The following WDPCP variants were observed in gnomAD, a reference collection of about 807,000 sequenced individuals.
The protein encoded by WDPCP is WD repeat-containing and planar cell polarity effector protein fritz homolog.
A neutral mutation model predicts 93.1 loss-of-function variants in WDPCP; 71 were observed. The ratio of observed to expected loss-of-function variants is 0.76; its 90% CI spans 0.63 to 0.93. WDPCP has a LOEUF of 0.93. Among genes scored for constraint, WDPCP ranks in the 40% least tolerant of loss-of-function variants. WDPCP has a pLI of 0.00. For missense variants in WDPCP, 844 were observed against 887.4 expected, an observed-to-expected ratio of 0.95 and a Z score of 0.62; for synonymous variants, 315 against 315.0, an observed-to-expected ratio of 1.00 and a Z score of 0.00.
intron 2 of WDPCP, among the ~76,000 whole-genome samples, chr2:63,734,030 T>C (rs1055606038): frequency 2.0e-5 from 3 of 152,212 alleles, no homozygotes; most frequent in Admixed American, 6.5e-5. Flanking sequence ...TTGGTTTCTT[T>C]CACTTAGTGT....
intron 2 of WDPCP, among the ~76,000 whole-genome samples, chr2:63,730,909 A>G (rs867349635): frequency 1.3e-5 from 2 of 152,152 alleles, no homozygotes; most frequent in Non-Finnish European, 1.5e-5. Context: ...GTTATTTTCA[A>G]TGATATATGG....
At chr2:63,146,619 C>T (rs1255392965) in intron 17 of WDPCP, among the ~76,000 whole-genome samples, 1 of 152,142 alleles carries the variant, frequency 6.6e-6, no homozygotes, top group Non-Finnish European at 1.5e-5. Flanking sequence ...TCGTGATCTA[C>T]CCGCCTCGGC....
chr2:63,825,278 C>A (rs1267255956), intron 1 of WDPCP, among the ~76,000 whole-genome samples: 2 of 152,040 alleles, frequency 1.3e-5, no homozygotes. Flanking sequence ...TAATATTTGG[C>A]AATATATATT....
At chr2:63,157,197 CAAGGT>C (rs1672319366) in intron 15 of WDPCP, among the ~76,000 whole-genome samples, 1 of 151,838 alleles carries the variant, frequency 6.6e-6, no homozygotes, top group South Asian at 2.1e-4. Context: ...TGTGCATTCC[CAAGGT>C]AAATCCCACT....
intron 1 of WDPCP, among the ~76,000 whole-genome samples, chr2:63,534,431 C>T (rs928453924): frequency 6.6e-6 from 1 of 151,918 alleles, no homozygotes; most frequent in African/African-American, 2.4e-5. Flanking sequence ...AGATCAATAT[C>T]CCTGATGAAC....
intron 2 of WDPCP, chr2:63,684,827 G>A (rs1342861646): frequency 2.9e-6 from 1 of 350,150 alleles, no homozygotes; most frequent in South Asian, 2.8e-5. Flanking sequence ...AGGAATTTTG[G>A]AAACTATACA....
At chr2:63,696,348 C>G (rs1668960565) in intron 2 of WDPCP, among the ~76,000 whole-genome samples, 1 of 152,154 alleles carries the variant, frequency 6.6e-6, no homozygotes, top group African/African-American at 2.4e-5. Context: ...AATGGCACAG[C>G]TTTGTTGTAT....
intron 9 of WDPCP, among the ~76,000 whole-genome samples, chr2:63,415,114 T>G (rs1419330532): frequency 6.6e-6 from 1 of 152,158 alleles, no homozygotes; most frequent in Non-Finnish European, 1.5e-5. Context: ...ATAATCCCAG[T>G]GCTTTGTAAT....
chr2:63,736,658 C>T (rs1180582199), intron 2 of WDPCP, among the ~76,000 whole-genome samples: 2 of 152,104 alleles, frequency 1.3e-5, no homozygotes, highest in South Asian at 2.1e-4. Context: ...GTGGCTATCT[C>T]CAAAGTTATT....
At chr2:63,473,658 G>A (rs1003694717) in intron 6 of WDPCP, among the ~76,000 whole-genome samples, 2 of 152,114 alleles carry the variant, frequency 1.3e-5, no homozygotes, top group African/African-American at 2.4e-5. Flanking sequence ...TCCAAAAACC[G>A]ATATCTCCTA....
chr2:63,567,329 T>G (rs1707152983), intron 1 of WDPCP, among the ~76,000 whole-genome samples: 1 of 152,154 alleles, frequency 6.6e-6, no homozygotes, highest in Non-Finnish European at 1.5e-5. Context: ...CCACCAGTCA[T>G]CTTAGCATAC....
At chr2:63,433,602 A>G in intron 9 of WDPCP, 143 bp downstream of exon 9, 1 of 886,754 alleles carries the variant, frequency 1.1e-6, no homozygotes, top group East Asian at 2.7e-5. Flanking sequence ...TTGTCTGGGT[A>G]TCTTCTAGAT....
intron 2 of WDPCP, among the ~76,000 whole-genome samples, chr2:63,708,033 C>A (rs1011306232): frequency 2.0e-5 from 3 of 152,102 alleles, no homozygotes; most frequent in Non-Finnish European, 4.4e-5. Flanking sequence ...GTCAGTCCAC[C>A]CCTACTGGGG....
chr2:63,122,074 A>C lies in WDPCP; in HGVS notation c.2191-18T>G, dbSNP rs774666368. The stretch of plus-strand genomic sequence containing the variant: ...CTGATTTCCTGCAAATAAACAAATA[A>C]AAATAATGTTTAAGCAGAGTAAAAA... On this transcript the variant is annotated intron_variant, in intron 17 of 17. Coordinates refer to ENST00000272321, the MANE Select transcript of WDPCP (RefSeq NM_015910.7). 6.4e-7 allele frequency: 1 copy of C among 1,574,676 alleles called. No individual in the cohort carries two copies. Among genetic ancestry groups the C allele is most frequent in the East Asian group, 2.2e-5 (1 of 44,548 alleles).
At chr2:63,564,280 T>C (rs1223652233) in intron 1 of WDPCP, 1 of 152,246 alleles carries the variant, frequency 6.6e-6, no homozygotes, top group African/African-American at 2.4e-5. Context: ...GTAGCATTTA[T>C]ACATTTAGGT....
In WDPCP at chr2:63,616,594, G is replaced by C. The variant is rs1483434276; in HGVS notation, n.488+34065C>G. Among the ~76,000 whole-genome samples the C allele has an allele frequency of 3.9e-5, 6 of 152,266 alleles. No homozygotes were observed. In the East Asian group the frequency reaches 9.6e-4, roughly 24 times the overall value. On this transcript the variant is annotated intron_variant and non_coding_transcript_variant, in intron 3 of 4. Coordinates refer to the WDPCP transcript ENST00000467687. ...ACGAAATAATTTTAAGATTCTAGTG[G>C]CTTTAGTATTGCCAATAATGTTGAT...
chr2:63,706,438 TG>T (rs1167982268), intron 2 of WDPCP, among the ~76,000 whole-genome samples: 2 of 152,162 alleles, frequency 1.3e-5, no homozygotes, highest in Non-Finnish European at 2.9e-5. Flanking sequence ...TGATACCGGT[TG>T]TTCCTTTCTA....
Position 63,152,841 on chromosome 2 carries a change from C to T in WDPCP, c.2190+73G>A. On this transcript the variant is annotated intron_variant, in intron 17 of 17. Transcript: ENST00000272321. ...ACCAATAGATAGCATTTCTTGAGTT[C>T]AAAATAATCACATACATTATGCTTT... 4 of 1,454,518 alleles carry T rather than the reference C, an allele frequency of 2.8e-6. No individual in the cohort carries two copies. The South Asian group carries it at 3.5e-5, about 13-fold the overall frequency. The allele number at this position is 1,454,518 out of a possible 1,614,324, so 90.1% of individuals were successfully genotyped here.
At chr2:63,629,755 C>A (rs944334740) in intron 3 of WDPCP, among the ~76,000 whole-genome samples, 1 of 152,238 alleles carries the variant, frequency 6.6e-6, no homozygotes, top group Non-Finnish European at 1.5e-5. Flanking sequence ...ACCTAAATGT[C>A]TACCCTCAGC....
Sources: allele counts gnomAD v4.1 joint callset (sites outside exome capture counted in the v4.1 genomes callset), GRCh38; gene constraint gnomAD v4.1.1; transcripts MANE v1.5; gene names NCBI Gene and HGNC (gene_info 2026-07-23, HGNC 2026-07-21).